The following BLTP1 variants were observed in gnomAD, a reference collection of about 807,000 sequenced individuals.
BLTP1 encodes the protein fragile site-associated protein.
At chr4:122,174,767 C>A in the BLTP1 span, 1 of 855,274 alleles carries the variant, frequency 1.2e-6, no homozygotes, top group Non-Finnish European at 1.7e-6. Context: ...AAAACTAAAT[C>A]AAATTTTTTT....
At chr4:122,210,319 G>A in the BLTP1 span, among the ~76,000 whole-genome samples, 15 of 152,252 alleles carry the variant, frequency 9.9e-5, no homozygotes, top group South Asian at 1.4e-3. Flanking sequence ...GCATGATTTT[G>A]TGAAATGTTA....
chr4:122,274,330 T>G, the BLTP1 span: 7 of 1,271,380 alleles, frequency 5.5e-6, no homozygotes, highest in Non-Finnish European at 6.8e-6. Flanking sequence ...AAATATTTTT[T>G]CTCATATTTA....
At chr4:122,238,323 G>A in the BLTP1 span, 1 of 1,613,906 alleles carries the variant, frequency 6.2e-7, no homozygotes, top group Non-Finnish European at 8.5e-7. Context: ...TTCTTGCATG[G>A]GACAAAAAGA....
chr4:122,166,286 A>C, the BLTP1 span, among the ~76,000 whole-genome samples: 4 of 151,940 alleles, frequency 2.6e-5, no homozygotes, highest in Non-Finnish European at 5.9e-5. Context: ...TCAGCTTTCT[A>C]CATATGGCTA....
the BLTP1 span, among the ~76,000 whole-genome samples, chr4:122,228,364 A>G: frequency 6.6e-6 from 1 of 152,170 alleles, no homozygotes; most frequent in African/African-American, 2.4e-5. Context: ...CATTTCTATC[A>G]CCTTAGAAAA....
the BLTP1 span, chr4:122,291,948 G>T: frequency 3.6e-6 from 1 of 274,024 alleles, no homozygotes; most frequent in Non-Finnish European, 5.5e-6. Context: ...CCTTTAAGGT[G>T]TGCTCATGCA....
At chr4:122,281,195 T>C in the BLTP1 span, 83 of 457,334 alleles carry the variant, frequency 1.8e-4, no homozygotes, top group African/African-American at 1.7e-3. Flanking sequence ...GTAGTAGTAG[T>C]AATGTCAATA....
the BLTP1 span, chr4:122,308,239 CAG>C: frequency 1.4e-6 from 2 of 1,478,864 alleles, no homozygotes. Context: ...TAGAATATAA[CAG>C]TACATTTTTC....
the BLTP1 span, chr4:122,334,229 A>C: frequency 9.9e-7 from 1 of 1,015,000 alleles, no homozygotes; most frequent in East Asian, 2.6e-5. Flanking sequence ...GCTAACTTTT[A>C]AAAGTTAAAA....
At chr4:122,323,790 TAAA>T in the BLTP1 span, among the ~76,000 whole-genome samples, 1 of 152,112 alleles carries the variant, frequency 6.6e-6, no homozygotes, top group African/African-American at 2.4e-5. Context: ...AATTGACTGT[TAAA>T]AATAAAACTA....
chr4:122,219,299 A>G, the BLTP1 span: 2 of 1,596,882 alleles, frequency 1.3e-6, no homozygotes, highest in South Asian at 1.1e-5. Context: ...ATATTTACAT[A>G]CCTCTTTTGA....
chr4:122,281,266 TA>T, the BLTP1 span: 20 of 972,488 alleles, frequency 2.1e-5, no homozygotes, highest in Middle Eastern at 5.3e-4. Flanking sequence ...AATCTGAGTT[TA>T]AATCCCAGTT....
At chr4:122,349,701 A>G in the BLTP1 span, 8 of 1,547,600 alleles carry the variant, frequency 5.2e-6, no homozygotes, top group South Asian at 1.0e-4. This position sits in a 1 kb window ranked among gnomAD's most constrained non-coding sequence, Gnocchi z 4.5. Flanking sequence ...CATATTGTCT[A>G]TCATCTGGTG....
At chr4:122,309,609 A>C in the BLTP1 span, 4 of 826,776 alleles carry the variant, frequency 4.8e-6, no homozygotes, top group Non-Finnish European at 7.3e-6. Flanking sequence ...CAGGTAACAA[A>C]CCATATTCGT....
the BLTP1 span, among the ~76,000 whole-genome samples, chr4:122,292,153 T>C: frequency 1.3e-5 from 2 of 152,060 alleles, no homozygotes; most frequent in African/African-American, 4.8e-5. Context: ...GTATTTTTAG[T>C]AGAGACGGGG....
chr4:122,281,505 AT>A, the BLTP1 span: 4 of 1,541,422 alleles, frequency 2.6e-6, no homozygotes, highest in Admixed American at 2.2e-5. Flanking sequence ...TCCTGTGTTT[AT>A]TTTTTAATTA....
the BLTP1 span, among the ~76,000 whole-genome samples, chr4:122,273,732 A>G: frequency 6.6e-6 from 1 of 152,038 alleles, no homozygotes; most frequent in Non-Finnish European, 1.5e-5. Context: ...AATTGTGTGA[A>G]AAGATATCTG....
At chr4:122,318,557 T>G in the BLTP1 span, among the ~76,000 whole-genome samples, 410 of 152,238 alleles carry the variant, frequency 2.7e-3, 2 homozygotes, top group African/African-American at 9.4e-3. Flanking sequence ...GACACTGTGT[T>G]TTGTCTGTTT....
chr4:122,211,999 G>C, the BLTP1 span: 2 of 944,274 alleles, frequency 2.1e-6, no homozygotes, highest in Middle Eastern at 5.4e-4. Context: ...ATTTTTACAG[G>C]ATCGGCAGAT....
Sources: gnomAD v4.1 joint callset for allele counts (sites outside exome capture counted in the v4.1 genomes callset) on GRCh38, gnomAD v4.1.1 for gene constraint, Gnocchi (gnomAD v3.1) non-coding constraint, MANE v1.5 for transcripts, NCBI Gene and HGNC (gene_info 2026-07-23, HGNC 2026-07-21) for gene names.